Variants in FRMD4A observed in about 807,000 individuals in gnomAD.
FRMD4A encodes the protein FERM domain-containing protein 4A.
In FRMD4A, 29 loss-of-function variants were observed where a neutral mutation model predicts 129.1. The observed-to-expected ratio is 0.22, with a 90% CI of 0.17 to 0.31. The LOEUF (loss-of-function observed/expected upper bound fraction) is 0.31. FRMD4A is among the 10% of genes least tolerant of loss of function. The probability of loss-of-function intolerance (pLI) is 1.00; values close to 1 mark genes in which losing one functional copy is unlikely to be tolerated. For missense variants in FRMD4A, 1,272 were observed against 1,375.8 expected, an observed-to-expected ratio of 0.92 and a Z score of 1.19; for synonymous variants, 634 against 571.6, an observed-to-expected ratio of 1.11 and a Z score of -1.56.
At chr10:13,679,653 C>A (rs183252377) in intron 15 of FRMD4A, among the ~76,000 whole-genome samples, 1 of 151,138 alleles carries the variant, frequency 6.6e-6, no homozygotes, top group South Asian at 2.1e-4. Flanking sequence ...AGCAGCTCCC[C>A]GTGAACCTGC....
chr10:13,717,689 C>CTTT (rs1564680751), intron 12 of FRMD4A, among the ~76,000 whole-genome samples: 2 of 44,496 alleles, frequency 4.5e-5, no homozygotes, highest in East Asian at 1.5e-3. Context: ...ACCTGTTGTT[C>CTTT]TTGTTTTTTT....
At chr10:14,118,604 G>T (rs753714139) in intron 2 of FRMD4A, among the ~76,000 whole-genome samples, 4 of 152,182 alleles carry the variant, frequency 2.6e-5, no homozygotes, top group Non-Finnish European at 5.9e-5. Flanking sequence ...TGGACTCACA[G>T]TTCCACATGG....
At position 13,821,020 on chromosome 10, in the gene FRMD4A, G is replaced by T. The variant is rs1233489750; in HGVS notation, c.112-10112C>A. Among the ~76,000 whole-genome samples the T allele has an allele frequency of 6.6e-6, 1 of 152,200 alleles. No individual in the cohort carries two copies. Among genetic ancestry groups the T allele is most frequent in the African/African-American group, 2.4e-5 (1 of 41,462 alleles). On this transcript the variant is annotated intron_variant, in intron 3 of 24. Coordinates refer to ENST00000357447, the MANE Select transcript of FRMD4A (RefSeq NM_018027.5). This position sits in a 1 kb window ranked among gnomAD's most constrained non-coding sequence, Gnocchi z 4.3. ...GCTTTGAATAAATGAGCCTGAGCAA[G>T]CTGCCGGGTCTGAAGCCTGGGCTGT...
chr10:14,109,755 TGAGGTCAG>T (rs939065088), intron 2 of FRMD4A, among the ~76,000 whole-genome samples: 1 of 152,166 alleles, frequency 6.6e-6, no homozygotes, highest in East Asian at 1.9e-4. Flanking sequence ...GCAGATCACT[TGAGGTCAG>T]GAGTTTAAGA....
chr10:14,094,364 G>A (rs191267542), intron 2 of FRMD4A, among the ~76,000 whole-genome samples: 1 of 152,294 alleles, frequency 6.6e-6, no homozygotes, highest in East Asian at 1.9e-4. Flanking sequence ...AGACCCCCTG[G>A]GGGACGATCA....
chr10:13,950,824 C>A (rs2095365720), intron 2 of FRMD4A, among the ~76,000 whole-genome samples: 1 of 152,198 alleles, frequency 6.6e-6, no homozygotes, highest in African/African-American at 2.4e-5. Context: ...AGGAAGTCCT[C>A]CCCGATGACC....
chr10:13,995,980 G>A (rs764087687), intron 2 of FRMD4A, among the ~76,000 whole-genome samples: 6 of 152,056 alleles, frequency 3.9e-5, no homozygotes, highest in Non-Finnish European at 7.4e-5. Context: ...CCATAAACTG[G>A]GGAGCTTACA....
At chr10:13,863,513 C>T (rs896624445) in intron 2 of FRMD4A, among the ~76,000 whole-genome samples, 5 of 152,122 alleles carry the variant, frequency 3.3e-5, no homozygotes, top group African/African-American at 1.2e-4. Context: ...TTGCTTGAAC[C>T]CAGGAGGTGG....
In FRMD4A at chr10:14,050,451, A is replaced by G. The variant is rs146855539; in HGVS notation, c.46-191539T>C. On this transcript the variant is annotated intron_variant, in intron 2 of 24. Transcript: ENST00000357447. ...ATAAAATACAAATTACCATTGTGGT[A>G]TAATAAAAAATAAATATTTGGTCTC... is the stretch of plus-strand genomic sequence containing the variant. Among the ~76,000 whole-genome samples, 123 of 152,358 alleles carry G rather than the reference A, an allele frequency of 8.1e-4. 1 individual carries two copies. The highest frequency in any genetic ancestry group is 7.4e-3 in the Admixed American group (114 of 15,308).
At chr10:14,241,683 TAAAAAAAAAAA>T (rs71388168) in intron 2 of FRMD4A, among the ~76,000 whole-genome samples, 6 of 23,416 alleles carry the variant, frequency 2.6e-4, no homozygotes, top group Admixed American at 7.0e-4. Flanking sequence ...TTACCCTCCC[TAAAAAAAAAAA>T]AAAAAAAAAA....
intron 13 of FRMD4A, among the ~76,000 whole-genome samples, 176 bp downstream of exon 13, chr10:13,706,859 AAC>A (rs201039496): frequency 0.011 from 1,640 of 152,000 alleles, 28 homozygotes; most frequent in African/African-American, 0.038. Flanking sequence ...TGCATTTATC[AAC>A]ACATGTAATT....
chr10:13,730,768 C>CT (rs1330013266), intron 12 of FRMD4A, among the ~76,000 whole-genome samples: 2 of 149,560 alleles, frequency 1.3e-5, no homozygotes, highest in Non-Finnish European at 3.0e-5. Context: ...AATCCCATCA[C>CT]TTTGGGAGGC....
intron 2 of FRMD4A, among the ~76,000 whole-genome samples, chr10:14,037,678 T>C (rs531783551): frequency 2.6e-5 from 4 of 152,240 alleles, no homozygotes; most frequent in African/African-American, 9.6e-5. Context: ...AATTAGACAT[T>C]GTCAATTTTG....
chr10:14,070,037 G>C (rs956348742), intron 2 of FRMD4A, among the ~76,000 whole-genome samples: 1 of 152,074 alleles, frequency 6.6e-6, no homozygotes, highest in African/African-American at 2.4e-5. Context: ...TGGTGGGACA[G>C]CTTATACAGC....
intron 2 of FRMD4A, among the ~76,000 whole-genome samples, chr10:14,111,322 T>C (rs186872040): frequency 6.6e-6 from 1 of 152,178 alleles, no homozygotes; most frequent in Non-Finnish European, 1.5e-5. Context: ...TTATTTATTC[T>C]GCTTTTTAAA....
intron 15 of FRMD4A, among the ~76,000 whole-genome samples, chr10:13,688,670 C>T (rs2085343604): frequency 6.6e-6 from 1 of 151,922 alleles, no homozygotes; most frequent in African/African-American, 2.4e-5. Flanking sequence ...AATGCTAATC[C>T]GTGGCTCAGG....
chr10:14,303,532 C>T (rs572710802), intron 2 of FRMD4A, among the ~76,000 whole-genome samples: 64 of 152,268 alleles, frequency 4.2e-4, no homozygotes, highest in Admixed American at 5.2e-4. Flanking sequence ...CTAGAAAAGA[C>T]GGATGGAAAA....
chr10:14,118,526 C>T (rs551750110), intron 2 of FRMD4A, among the ~76,000 whole-genome samples: 5 of 152,100 alleles, frequency 3.3e-5, no homozygotes, highest in Admixed American at 1.3e-4. Flanking sequence ...TGGCTATATT[C>T]GGCTGTTCTC....
At chr10:13,688,611 T>C (rs1404365326) in intron 15 of FRMD4A, among the ~76,000 whole-genome samples, 3 of 152,102 alleles carry the variant, frequency 2.0e-5, no homozygotes, top group Admixed American at 1.3e-4. Context: ...GTTTAAAAAA[T>C]AAAAATGAAG....
Sources: allele counts gnomAD v4.1 joint callset (sites outside exome capture counted in the v4.1 genomes callset), GRCh38; gene constraint gnomAD v4.1.1; non-coding constraint Gnocchi (gnomAD v3.1); transcripts MANE v1.5; gene names NCBI Gene and HGNC (gene_info 2026-07-23, HGNC 2026-07-21).